The following SOX6 variants were observed in gnomAD, a reference collection of about 807,000 sequenced individuals.
The protein encoded by SOX6 is SRY-box transcription factor 6, also known as transcription factor SOX-6.
Under a neutral mutation model 97.8 loss-of-function variants are expected in SOX6, and 11 were observed. That is an observed-to-expected ratio of 0.11 (90% CI 0.07 to 0.19). SOX6 has a LOEUF of 0.19. SOX6 is among the 10% of genes least tolerant of loss of function. SOX6 has a pLI of 1.00. For missense variants in SOX6, 810 were observed against 1,039.5 expected (o/e 0.78, Z 3.04); for synonymous variants, 360 against 371.4 (o/e 0.97, Z 0.35).
At chr11:16,655,928 C>T (rs1847713767) in intron 3 of SOX6, among the ~76,000 whole-genome samples, 1 of 151,816 alleles carries the variant, frequency 6.6e-6, no homozygotes, top group South Asian at 2.1e-4. Flanking sequence ...ATGATCACAC[C>T]ACTGCACTCC....
At chr11:16,719,042 C>T (rs114782754) in intron 2 of SOX6, among the ~76,000 whole-genome samples, 1,720 of 148,934 alleles carry the variant, frequency 0.012, 26 homozygotes, top group African/African-American at 0.04. Flanking sequence ...TATTTAACTA[C>T]TCATATTACA....
chr11:16,218,305 C>T (rs1852431463), intron 4 of SOX6, among the ~76,000 whole-genome samples: 1 of 152,016 alleles, frequency 6.6e-6, no homozygotes, highest in Admixed American at 6.6e-5. Context: ...AGTAGTTTGT[C>T]TCATAATATC....
chr11:16,001,007 C>T (rs1261685369), intron 13 of SOX6, among the ~76,000 whole-genome samples: 2 of 151,184 alleles, frequency 1.3e-5, no homozygotes, highest in Non-Finnish European at 2.9e-5. Context: ...CAGATGTGAG[C>T]CACTGTACCC....
chr11:16,302,662 T>C (rs1590107272), intron 3 of SOX6, among the ~76,000 whole-genome samples: 2 of 148,416 alleles, frequency 1.3e-5, no homozygotes, highest in African/African-American at 4.9e-5. Context: ...CTTCGCTTGC[T>C]GGGTTCACGT....
intron 1 of SOX6, among the ~76,000 whole-genome samples, chr11:16,352,250 TGATGGATGGATGGATGGATG>T (rs3030887): frequency 6.1e-5 from 9 of 147,500 alleles, no homozygotes; most frequent in African/African-American, 1.7e-4. Flanking sequence ...AATGGGCAGA[TGATGGATGGATGGATGGATG>T]GATGGATGGA....
At position 16,588,140 on chromosome 11, in the gene SOX6, A is replaced by C. The variant is rs145536176; in HGVS notation, n.609+23941T>G. Among the ~76,000 whole-genome samples, 473 of 152,292 alleles carry C rather than the reference A, an allele frequency of 3.1e-3. 2 individuals are homozygous for C. The highest frequency in any genetic ancestry group is 5.6e-3 in the Non-Finnish European group (379 of 68,032). On this transcript the variant is annotated intron_variant and non_coding_transcript_variant, in intron 4 of 5. Transcript: ENST00000524520. ...TCTACTAGCATGAATTCATATATTAAATTAAATTCCTAGCATTTGTCACTT... is the reference window on the plus strand; with the variant it reads ...TCTACTAGCATGAATTCATATATTACATTAAATTCCTAGCATTTGTCACTT...
chr11:16,141,341 G>C (rs1431351517), intron 6 of SOX6, among the ~76,000 whole-genome samples: 1 of 152,144 alleles, frequency 6.6e-6, no homozygotes, highest in Non-Finnish European at 1.5e-5. Context: ...TCCCAGCCCT[G>C]ACTGCTTCAT....
chr11:16,416,977 GT>G (rs939632915), intron 1 of SOX6, among the ~76,000 whole-genome samples: 1 of 152,116 alleles, frequency 6.6e-6, no homozygotes, highest in Non-Finnish European at 1.5e-5. Context: ...AACTCCCCAT[GT>G]AAATTTGATG....
chr11:16,101,580 C>A (rs892304356), intron 7 of SOX6, among the ~76,000 whole-genome samples: 3 of 151,568 alleles, frequency 2.0e-5, no homozygotes, highest in Admixed American at 6.6e-5. Context: ...AAACCCTTGA[C>A]CAATCATCCG....
chr11:16,621,520 A>G (rs1848545124), intron 3 of SOX6, among the ~76,000 whole-genome samples: 1 of 152,212 alleles, frequency 6.6e-6, no homozygotes, highest in Non-Finnish European at 1.5e-5. Context: ...TTTTCCTGAG[A>G]GTATAGTGTT....
chr11:16,362,494 G>A (rs1369610854), intron 1 of SOX6, among the ~76,000 whole-genome samples: 1 of 151,914 alleles, frequency 6.6e-6, no homozygotes, highest in East Asian at 1.9e-4. Context: ...AATGCCAAAG[G>A]AAAGCCCGAA....
intron 1 of SOX6, among the ~76,000 whole-genome samples, chr11:16,381,052 T>C (rs1857800787): frequency 6.6e-6 from 1 of 152,012 alleles, no homozygotes. Flanking sequence ...AAAAAATTGA[T>C]ACAAATGTAA....
At chr11:16,697,189 A>G (rs994499780) in intron 3 of SOX6, among the ~76,000 whole-genome samples, 1 of 152,142 alleles carries the variant, frequency 6.6e-6, no homozygotes, top group Non-Finnish European at 1.5e-5. Context: ...ATCTACAGTT[A>G]CTTCCTCCAC....
At chr11:16,648,693 C>T (rs1047712711) in intron 3 of SOX6, among the ~76,000 whole-genome samples, 1 of 152,126 alleles carries the variant, frequency 6.6e-6, no homozygotes, top group African/African-American at 2.4e-5. Flanking sequence ...TAGAAAAGTA[C>T]TTCTGGTAAT....
chr11:16,107,208 C>T (rs1448366645), intron 7 of SOX6, among the ~76,000 whole-genome samples: 1 of 151,790 alleles, frequency 6.6e-6, no homozygotes, highest in Non-Finnish European at 1.5e-5. Flanking sequence ...AAACATAGAA[C>T]TTCATATAAT....
intron 4 of SOX6, among the ~76,000 whole-genome samples, chr11:16,527,876 T>C (rs1411289202): frequency 3.9e-5 from 6 of 152,156 alleles, no homozygotes; most frequent in Admixed American, 6.6e-5. Context: ...CGGGAGTCAT[T>C]GTGACGGCAG....
In SOX6 at chr11:16,055,785, T is replaced by G. The variant is rs146022326; in HGVS notation, c.1218A>C (p.Glu406Asp). ...GAGTTACAGGGCTGGTCCCTCTCTT[T>G]TCATTTTTTATCCCAGTAGGTGAGA... ...GTVSPTGIKNEKRGTSPVTQV... is the reference protein window; with the variant it reads ...GTVSPTGIKNDKRGTSPVTQV... Residue 406 changes from glutamate (E) to aspartate (D), a missense_variant, in exon 10 of 16, where the codon GAA becomes GAC. Transcript: ENST00000683767. The G allele has an allele frequency of 1.2e-6, 2 of 1,613,624 alleles. No individual in the cohort carries two copies. The highest frequency in any genetic ancestry group is 1.3e-5 in the African/African-American group (1 of 74,898).
chr11:16,161,333 T>C (rs1028476946), intron 6 of SOX6, among the ~76,000 whole-genome samples: 4 of 150,634 alleles, frequency 2.7e-5, no homozygotes, highest in Non-Finnish European at 4.4e-5. Flanking sequence ...TATATATATA[T>C]CAGATATATA....
chr11:16,516,079 G>A (rs373012520), intron 4 of SOX6, among the ~76,000 whole-genome samples: 1 of 150,492 alleles, frequency 6.6e-6, no homozygotes, highest in East Asian at 2.0e-4. Context: ...TTCCAATTCT[G>A]TGAAGAAAGG....
Sources: gnomAD v4.1 joint callset for allele counts (sites outside exome capture counted in the v4.1 genomes callset) on GRCh38, gnomAD v4.1.1 for gene constraint, MANE v1.5 for transcripts, NCBI Gene and HGNC (gene_info 2026-07-23, HGNC 2026-07-21) for gene names.